PCGF5: variants seen among roughly 807,000 people sequenced by gnomAD.
PCGF5 encodes the protein polycomb group ring finger 5, also known as polycomb group RING finger protein 5.
PCGF5 carries 9 observed loss-of-function variants against 44.3 expected under a neutral mutation model. The observed-to-expected ratio is 0.20, with a 90% CI of 0.12 to 0.35. The LOEUF is 0.35. PCGF5 is among the 10% of genes least tolerant of loss of function. The pLI, the probability that PCGF5 is intolerant of heterozygous loss-of-function variation, is 1.00. For missense variants in PCGF5, 146 were observed against 305.3 expected, an observed-to-expected ratio of 0.48 and a Z score of 3.89; for synonymous variants, 95 against 102.5, an observed-to-expected ratio of 0.93 and a Z score of 0.44.
intron 1 of PCGF5, among the ~76,000 whole-genome samples, chr10:91,205,195 T>C (rs1844323241): frequency 6.6e-6 from 1 of 152,170 alleles, no homozygotes; most frequent in Non-Finnish European, 1.5e-5. Context: ...TTCTTTGATT[T>C]TCCCTGTCAT....
At chr10:91,192,640 T>C (rs899502925) in intron 1 of PCGF5, among the ~76,000 whole-genome samples, 1 of 152,236 alleles carries the variant, frequency 6.6e-6, no homozygotes, top group African/African-American at 2.4e-5. Flanking sequence ...ATTCTTGATC[T>C]AATGGAGTCT....
rs542199722 is a variant in PCGF5 at position 91,249,581 on chromosome 10, A to G, written c.325+857A>G. 1.3e-3 allele frequency among the ~76,000 whole-genome samples: 196 copies of G among 151,730 alleles called. 1 individual carries two copies. The highest frequency in any genetic ancestry group is 4.4e-3 in the African/African-American group (182 of 41,422). ...GGTCACTTGTAAGTTCAGCCTCCCA[A>G]TCTTGGTTTTCCCATAAGATCATAG... On this transcript the variant is annotated intron_variant, in intron 5 of 9. Coordinates refer to ENST00000336126, the MANE Select transcript of PCGF5 (RefSeq NM_032373.5).
chr10:91,248,863 C>A (rs1320043826), intron 5 of PCGF5, 139 bp downstream of exon 5: 27 of 714,210 alleles, frequency 3.8e-5, no homozygotes, highest in Non-Finnish European at 5.7e-5. Flanking sequence ...ACATTACGAA[C>A]CTTTTTCTCT....
At position 91,279,930 on chromosome 10, in the gene PCGF5, A is replaced by G. The variant is rs1156292349; in HGVS notation, c.*1614A>G. 4 of 152,098 alleles carry G rather than the reference A, an allele frequency of 2.6e-5. No individual in the cohort carries two copies. Among genetic ancestry groups the G allele is most frequent in the Admixed American group, 1.3e-4 (2 of 15,270 alleles). 9.4% of individuals were successfully genotyped at this position (152,098 alleles called of 1,614,324 possible). A position where few individuals can be genotyped will look rare whatever the true frequency, so the allele number is the denominator to read the frequency against. On this transcript the variant is annotated 3_prime_UTR_variant, in exon 10 of 10. Transcript: ENST00000336126. ...TAAATCTTAATATATTTCACTATGTAAAAGGCTGAAACTTCATAATTATCT... is the reference window on the plus strand; with the variant it reads ...TAAATCTTAATATATTTCACTATGTGAAAGGCTGAAACTTCATAATTATCT...
At chr10:91,242,001 A>G (rs1845340094) in intron 3 of PCGF5, among the ~76,000 whole-genome samples, 2 of 152,092 alleles carry the variant, frequency 1.3e-5, no homozygotes, top group African/African-American at 4.8e-5. Flanking sequence ...AGGTGATGCT[A>G]ATATATGCTA....
chr10:91,261,018 G>C (rs1225230203), intron 6 of PCGF5, among the ~76,000 whole-genome samples: 1 of 148,624 alleles, frequency 6.7e-6, no homozygotes, highest in Admixed American at 6.6e-5. Context: ...TATGCTTTTT[G>C]TGACCTTTTT....
At chr10:91,196,066 C>G (rs762195430) in intron 1 of PCGF5, among the ~76,000 whole-genome samples, 3 of 151,370 alleles carry the variant, frequency 2.0e-5, no homozygotes, top group Non-Finnish European at 4.4e-5. Flanking sequence ...AAGTGTTGCC[C>G]CATGGGGTGT....
intron 1 of PCGF5, among the ~76,000 whole-genome samples, chr10:91,208,895 G>C (rs1389856059): frequency 3.9e-5 from 6 of 152,180 alleles, no homozygotes. Flanking sequence ...AGGGAAGTTA[G>C]GCAGTTTAAA....
intron 1 of PCGF5, among the ~76,000 whole-genome samples, chr10:91,181,375 G>A (rs144312552): frequency 4.8e-4 from 73 of 152,158 alleles, no homozygotes; most frequent in Admixed American, 1.0e-3. Flanking sequence ...TGCCCTGGCC[G>A]GAACTTTGAA....
At chr10:91,272,868 A>T (rs1234002738) in intron 9 of PCGF5, among the ~76,000 whole-genome samples, 2 of 152,206 alleles carry the variant, frequency 1.3e-5, no homozygotes, top group African/African-American at 4.8e-5. Flanking sequence ...AGCCAGGGAG[A>T]AAGGATAATT....
At chr10:91,224,507 C>T (rs1844764111) in intron 2 of PCGF5, among the ~76,000 whole-genome samples, 1 of 151,964 alleles carries the variant, frequency 6.6e-6, no homozygotes, top group African/African-American at 2.4e-5. Context: ...TTTAAAAATG[C>T]CATATTAGTG....
At chr10:91,277,967 TC>T (rs1402760351) in intron 9 of PCGF5, among the ~76,000 whole-genome samples, 1 of 152,126 alleles carries the variant, frequency 6.6e-6, no homozygotes, top group African/African-American at 2.4e-5. Context: ...TTTCAGTCCT[TC>T]CCAGTTCTTG....
At position 91,195,471 on chromosome 10, in the gene PCGF5, CAT is replaced by C. The variant is rs3068529; in HGVS notation, c.-183-27204_-183-27203del. Among the ~76,000 whole-genome samples, 487 of 138,780 alleles carry C rather than the reference CAT, an allele frequency of 3.5e-3. 2 individuals are homozygous for C. Among genetic ancestry groups the C allele is most frequent in the African/African-American group, 0.012 (438 of 35,322 alleles). The allele number at this position is 138,780 out of a possible 152,430, so 91.0% of individuals were successfully genotyped here. A position where few individuals can be genotyped will look rare whatever the true frequency, so the allele number is the denominator to read the frequency against. On this transcript the variant is annotated intron_variant, in intron 1 of 9. Transcript: ENST00000614189. Reference sequence around the variant, plus strand: ...ATATATGCATATATATATATGCATGCATATATATATATATAGAGAGAGAGAGA... The same window carrying C: ...ATATATGCATATATATATATGCATGCATATATATATATAGAGAGAGAGAGA...
At chr10:91,259,898 G>C (rs1249339014) in intron 6 of PCGF5, among the ~76,000 whole-genome samples, 1 of 151,934 alleles carries the variant, frequency 6.6e-6, no homozygotes, top group Non-Finnish European at 1.5e-5. Context: ...TCAGGACATA[G>C]GCATGGGCAA....
chr10:91,263,189 G>A (rs1332565188), intron 7 of PCGF5, among the ~76,000 whole-genome samples: 1 of 152,162 alleles, frequency 6.6e-6, no homozygotes, highest in African/African-American at 2.4e-5. Flanking sequence ...TTTTGTAACA[G>A]CATTGCTAAC....
At chr10:91,252,696 T>G (rs544409418) in intron 6 of PCGF5, among the ~76,000 whole-genome samples, 5 of 152,188 alleles carry the variant, frequency 3.3e-5, no homozygotes, top group South Asian at 2.1e-4. Context: ...GGGAAGTTCT[T>G]TTTCATAGAG....
chr10:91,164,752 C>T (rs1255857615), intron 1 of PCGF5, among the ~76,000 whole-genome samples: 2 of 152,240 alleles, frequency 1.3e-5, no homozygotes. Context: ...AGACTCACCT[C>T]AAACGGCATC....
chr10:91,189,759 C>A (rs1460163746), intron 1 of PCGF5, among the ~76,000 whole-genome samples: 1 of 152,198 alleles, frequency 6.6e-6, no homozygotes, highest in Non-Finnish European at 1.5e-5. Context: ...TGGTGGGAAA[C>A]AGTTAAAATC....
chr10:91,208,305 G>A (rs1388436118), intron 1 of PCGF5, among the ~76,000 whole-genome samples: 1 of 151,994 alleles, frequency 6.6e-6, no homozygotes, highest in African/African-American at 2.4e-5. Flanking sequence ...CATTCCTCTT[G>A]CTCATTTTGA....
Sources: gnomAD v4.1 joint callset for allele counts (sites outside exome capture counted in the v4.1 genomes callset) on GRCh38, gnomAD v4.1.1 for gene constraint, MANE v1.5 for transcripts, NCBI Gene and HGNC (gene_info 2026-07-23, HGNC 2026-07-21) for gene names.